PPP4R2: variants seen among roughly 807,000 people sequenced by gnomAD.
The protein encoded by PPP4R2 is serine/threonine-protein phosphatase 4 regulatory subunit 2.
PPP4R2 carries 13 observed loss-of-function variants against 47.2 expected under a neutral mutation model. The observed-to-expected ratio is 0.28, with a 90% CI of 0.18 to 0.44. The LOEUF (loss-of-function observed/expected upper bound fraction) is 0.44. PPP4R2 is among the 20% of genes least tolerant of loss of function. The pLI is 1.00. For synonymous variants in PPP4R2, 151 were observed against 163.3 expected (o/e 0.92, Z 0.57); for missense variants, 421 against 491.2 (o/e 0.86, Z 1.35).
chr3:72,997,110 C>G, intron 1 of PPP4R2, 39 bp downstream of exon 1: 1 of 1,315,518 alleles, frequency 7.6e-7, no homozygotes. Context: ...CCCTCACCTT[C>G]TCCGGCTCGC....
At chr3:73,010,588 T>C (rs1701703322) in intron 2 of PPP4R2, among the ~76,000 whole-genome samples, 2 of 151,786 alleles carry the variant, frequency 1.3e-5, no homozygotes, top group African/African-American at 4.8e-5. Flanking sequence ...AGACAGAGTC[T>C]CACTCTGTCT....
intron 2 of PPP4R2, among the ~76,000 whole-genome samples, chr3:73,018,057 C>A (rs1363761090): frequency 2.0e-5 from 3 of 152,102 alleles, no homozygotes; most frequent in South Asian, 2.1e-4. Flanking sequence ...TTTGGGGAAA[C>A]TAGGAGGTAT....
intron 5 of PPP4R2, chr3:73,062,558 A>G: frequency 6.2e-7 from 1 of 1,613,972 alleles, no homozygotes; most frequent in South Asian, 1.1e-5. Context: ...AGAACGAGGA[A>G]AGGGGTACTC....
intron 2 of PPP4R2, among the ~76,000 whole-genome samples, chr3:73,041,234 A>G (rs1434980887): frequency 3.4e-4 from 51 of 152,164 alleles, no homozygotes; most frequent in Admixed American, 3.3e-3. Flanking sequence ...TTTAATGTTC[A>G]GTTAGTCGAC....
At chr3:72,997,869 C>A (rs1559542787) in intron 1 of PPP4R2, among the ~76,000 whole-genome samples, 1 of 152,038 alleles carries the variant, frequency 6.6e-6, no homozygotes, top group Non-Finnish European at 1.5e-5. Flanking sequence ...GTTGAGTGCC[C>A]CCTTTAGGAG....
chr3:73,064,248 A>C, intron 7 of PPP4R2, 102 bp downstream of exon 7: 1 of 1,058,044 alleles, frequency 9.5e-7, no homozygotes, highest in Admixed American at 2.9e-5. Context: ...GAGGGACAGA[A>C]CAAGGTTTTC....
chr3:73,047,155 T>G (rs1702502283), intron 2 of PPP4R2, 31 bp from the exon 3 acceptor site: 1 of 1,248,234 alleles, frequency 8.0e-7, no homozygotes, highest in Non-Finnish European at 1.1e-6. Flanking sequence ...AGCTACATGG[T>G]ATTATATATT....
In PPP4R2 at chr3:73,047,433, C is replaced by T; in HGVS notation, c.287+77C>T. The stretch of plus-strand genomic sequence containing the variant: ...GATTTTTCTTTTAGTTTTGATGTGT[C>T]TGGTTGATGATTGATTATCCATTAG... On this transcript the variant is annotated intron_variant, in intron 3 of 8. Transcript: ENST00000356692. The T allele has an allele frequency of 3.4e-6, 3 of 876,848 alleles. 1 individual carries two copies. Among genetic ancestry groups the T allele is most frequent in the Non-Finnish European group, 4.9e-6 (3 of 613,728 alleles). 54.3% of individuals were successfully genotyped at this position (876,848 alleles called of 1,614,324 possible). A position where few individuals can be genotyped will look rare whatever the true frequency, so the allele number is the denominator to read the frequency against.
Position 73,060,972 on chromosome 3 carries a change from T to C in PPP4R2, c.382-51T>C, listed in dbSNP as rs555688235. The C allele has an allele frequency of 2.0e-5, 26 of 1,300,940 alleles. No homozygotes were observed. In the South Asian group the frequency reaches 3.2e-4, roughly 16 times the overall value. 80.6% of individuals were successfully genotyped at this position (1,300,940 alleles called of 1,614,324 possible). A position where few individuals can be genotyped will look rare whatever the true frequency, so the allele number is the denominator to read the frequency against. On this transcript the variant is annotated intron_variant, in intron 4 of 8. Transcript: ENST00000356692. Reference sequence around the variant, plus strand: ...TTTAGAAACAAAAATGATGAAACTTTATGTTGTAGTACTTTTCTTCATACT... The same window carrying C: ...TTTAGAAACAAAAATGATGAAACTTCATGTTGTAGTACTTTTCTTCATACT...
At chr3:73,025,255 A>C (rs1032901247) in intron 2 of PPP4R2, among the ~76,000 whole-genome samples, 2 of 152,206 alleles carry the variant, frequency 1.3e-5, no homozygotes, top group Non-Finnish European at 2.9e-5. Flanking sequence ...ATATGTTAAA[A>C]TTATTATCTT....
At chr3:73,013,640 C>G (rs1340133458) in intron 2 of PPP4R2, among the ~76,000 whole-genome samples, 2 of 124,476 alleles carry the variant, frequency 1.6e-5, no homozygotes, top group Non-Finnish European at 3.3e-5. Context: ...TACCTTTTTT[C>G]TTTTTCTTTT....
At position 73,061,002 on chromosome 3, in the gene PPP4R2, C is replaced by G. The variant is rs377500209; in HGVS notation, c.382-21C>G. On this transcript the variant is annotated intron_variant, in intron 4 of 8. Coordinates refer to ENST00000356692, the MANE Select transcript of PPP4R2 (RefSeq NM_174907.4). ...TGTAGTACTTTTCTTCATACTAAATCACTGATTTTTGTTATTGCAGAATGT... is the reference window on the plus strand; with the variant it reads ...TGTAGTACTTTTCTTCATACTAAATGACTGATTTTTGTTATTGCAGAATGT... 71 of 1,532,366 alleles carry G rather than the reference C, an allele frequency of 4.6e-5. 1 individual carries two copies. The South Asian group carries it at 7.6e-4, about 16-fold the overall frequency. The allele number at this position is 1,532,366 out of a possible 1,614,324, so 94.9% of individuals were successfully genotyped here. A position where few individuals can be genotyped will look rare whatever the true frequency, so the allele number is the denominator to read the frequency against.
intron 3 of PPP4R2, among the ~76,000 whole-genome samples, chr3:73,058,038 T>A (rs1702761741): frequency 6.6e-6 from 1 of 152,182 alleles, no homozygotes; most frequent in Non-Finnish European, 1.5e-5. Flanking sequence ...CTCGTGCTCA[T>A]AACTTTGCTG....
At chr3:73,012,153 C>T (rs914262124) in intron 2 of PPP4R2, among the ~76,000 whole-genome samples, 1 of 152,050 alleles carries the variant, frequency 6.6e-6, no homozygotes, top group Admixed American at 6.6e-5. Context: ...TTGCATATAA[C>T]CTTTGCACAT....
chr3:73,027,125 A>G (rs893297129), intron 2 of PPP4R2, among the ~76,000 whole-genome samples: 2 of 152,028 alleles, frequency 1.3e-5, no homozygotes, highest in Admixed American at 6.6e-5. Context: ...ATATGAATCT[A>G]TTCCCCTGTT....
In PPP4R2 at chr3:73,002,629, C is replaced by CTTTTTTTTTTTTTTTTTTTTTTTTTTTT. The variant is rs1245599779; in HGVS notation, c.116+4475_116+4476insTTTTTTTTTTTTTTTTTTTTTTTTTTTT. Among the ~76,000 whole-genome samples, 24 of 83,002 alleles carry CTTTTTTTTTTTTTTTTTTTTTTTTTTTT rather than the reference C, an allele frequency of 2.9e-4. 1 individual carries two copies. The highest frequency in any genetic ancestry group is 5.7e-3 in the Middle Eastern group (1 of 176). 54.5% of individuals were successfully genotyped at this position (83,002 alleles called of 152,430 possible). On this transcript the variant is annotated intron_variant, in intron 2 of 8. Coordinates refer to ENST00000356692, the MANE Select transcript of PPP4R2 (RefSeq NM_174907.4). ...TTTTTCTTTTCTTTTCTTTTCTTTT[C>CTTTTTTTTTTTTTTTTTTTTTTTTTTTT]TTTTCTTTTTTTTTTTTTTTTTTTT...
rs570025490 is a variant in PPP4R2 at position 73,040,936 on chromosome 3, AAGGAATATT to A, written c.117-6245_117-6237del. Among the ~76,000 whole-genome samples, 10 of 152,302 alleles carry A rather than the reference AAGGAATATT, an allele frequency of 6.6e-5. No homozygotes were observed. In the South Asian group the frequency reaches 1.5e-3, roughly 22 times the overall value. On this transcript the variant is annotated intron_variant, in intron 2 of 8. Coordinates refer to ENST00000356692, the MANE Select transcript of PPP4R2 (RefSeq NM_174907.4). The stretch of plus-strand genomic sequence containing the variant: ...CCGTAGTGAGTAAGGAGGAGGGAAA[AAGGAATATT>A]AGGATGTCAAATTTGAAAAATATAT...
intron 2 of PPP4R2, among the ~76,000 whole-genome samples, chr3:73,024,039 A>G (rs557956063): frequency 6.6e-6 from 1 of 152,084 alleles, no homozygotes; most frequent in Non-Finnish European, 1.5e-5. Flanking sequence ...TTAAAAGGTA[A>G]AAAGCTTATA....
intron 8 of PPP4R2, 110 bp from the exon 9 acceptor site, chr3:73,065,287 G>C: frequency 7.6e-7 from 1 of 1,314,784 alleles, no homozygotes; most frequent in South Asian, 1.6e-5. Flanking sequence ...AGTTGCTGCT[G>C]AATTTCAGGG....
Sources: gnomAD v4.1 joint callset for allele counts (sites outside exome capture counted in the v4.1 genomes callset) on GRCh38, gnomAD v4.1.1 for gene constraint, MANE v1.5 for transcripts, NCBI Gene and HGNC (gene_info 2026-07-23, HGNC 2026-07-21) for gene names.